Variants in GABRG3 observed in about 807,000 individuals in gnomAD.
GABRG3 encodes gamma-aminobutyric acid type A receptor subunit gamma3.
In GABRG3, 25 loss-of-function variants were observed where a neutral mutation model predicts 48.8. The observed-to-expected ratio is 0.51, with a 90% CI of 0.37 to 0.72. The LOEUF is 0.72. Among genes scored for constraint, GABRG3 ranks in the 30% least tolerant of loss-of-function variants. The probability of loss-of-function intolerance (pLI) is 0.00; values close to 1 mark genes in which losing one functional copy is unlikely to be tolerated. For synonymous variants in GABRG3, 227 were observed against 217.6 expected, an observed-to-expected ratio of 1.04 and a Z score of -0.38; for missense variants, 394 against 577.9, an observed-to-expected ratio of 0.68 and a Z score of 3.26.
In GABRG3 at chr15:27,179,897, T is replaced by C. The variant is rs1887870961; in HGVS notation, c.271-146912T>C. ...TAAAATAAGCTGAATGTTTGTGCCC[T>C]GTTACCAGATTGTTCTCTTGATTCA... is the stretch of plus-strand genomic sequence containing the variant. On this transcript the variant is annotated intron_variant, in intron 3 of 9. Coordinates refer to ENST00000615808, the MANE Select transcript of GABRG3 (RefSeq NM_033223.5). This position sits in a 1 kb window ranked among gnomAD's most constrained non-coding sequence, Gnocchi z 4.0. Among the ~76,000 whole-genome samples the C allele has an allele frequency of 6.6e-6, 1 of 152,144 alleles. No homozygotes were observed. Among genetic ancestry groups the C allele is most frequent in the South Asian group, 2.1e-4 (1 of 4,764 alleles).
At chr15:27,089,200 G>C (rs1184213503) in intron 3 of GABRG3, among the ~76,000 whole-genome samples, 1 of 152,182 alleles carries the variant, frequency 6.6e-6, no homozygotes, top group African/African-American at 2.4e-5. Context: ...AGGAGGAGCC[G>C]CAGGGAAGGC....
chr15:27,422,665 A>G (rs1888160710), intron 5 of GABRG3, among the ~76,000 whole-genome samples: 1 of 152,154 alleles, frequency 6.6e-6, no homozygotes, highest in Non-Finnish European at 1.5e-5. Flanking sequence ...ACTTTCCCCC[A>G]CTGGGTTTCT....
intron 3 of GABRG3, among the ~76,000 whole-genome samples, chr15:27,307,409 T>G (rs531043763): frequency 2.8e-5 from 2 of 71,740 alleles, no homozygotes; most frequent in Admixed American, 1.5e-4. Flanking sequence ...GTTTATATAT[T>G]TATATATAAA....
chr15:27,523,484 T>C (rs1891204711), intron 7 of GABRG3, among the ~76,000 whole-genome samples: 1 of 151,732 alleles, frequency 6.6e-6, no homozygotes. Flanking sequence ...ACCAGAAATG[T>C]CCAGGATACA....
In GABRG3 at chr15:27,246,102, G is replaced by A. The variant is rs557813237; in HGVS notation, c.271-80707G>A. Among the ~76,000 whole-genome samples the A allele has an allele frequency of 1.2e-4, 18 of 152,116 alleles. No individual in the cohort carries two copies. In the East Asian group the frequency reaches 3.5e-3, roughly 30 times the overall value. Reference sequence around the variant, plus strand: ...GGCACTCATGAGGGATCTGCCCCACGACCCAAACACCTCCCGCCAGGCCTC... The same window carrying A: ...GGCACTCATGAGGGATCTGCCCCACAACCCAAACACCTCCCGCCAGGCCTC... On this transcript the variant is annotated intron_variant, in intron 3 of 9. Coordinates refer to ENST00000615808, the MANE Select transcript of GABRG3 (RefSeq NM_033223.5).
At chr15:27,318,765 C>T (rs1225987568) in intron 3 of GABRG3, among the ~76,000 whole-genome samples, 1 of 152,180 alleles carries the variant, frequency 6.6e-6, no homozygotes, top group Non-Finnish European at 1.5e-5. Flanking sequence ...GGGCAGAGCT[C>T]CGCCTTCTGC....
chr15:27,475,510 T>C (rs1444649309), intron 5 of GABRG3, among the ~76,000 whole-genome samples: 2 of 151,814 alleles, frequency 1.3e-5, no homozygotes, highest in East Asian at 3.9e-4. Flanking sequence ...GATGATATTG[T>C]TGATGATGAT....
At chr15:27,146,591 T>C (rs535830535) in intron 3 of GABRG3, among the ~76,000 whole-genome samples, 2 of 152,306 alleles carry the variant, frequency 1.3e-5, no homozygotes, top group East Asian at 3.9e-4. Context: ...GCAACAATTA[T>C]ATTCTCTGTT....
At chr15:26,985,195 C>T (rs1175700643) in intron 2 of GABRG3, among the ~76,000 whole-genome samples, 5 of 152,210 alleles carry the variant, frequency 3.3e-5, no homozygotes, top group Admixed American at 3.3e-4. Context: ...CCCACACACC[C>T]CACCTGGGCA....
intron 3 of GABRG3, among the ~76,000 whole-genome samples, chr15:27,320,084 A>G (rs928338769): frequency 6.6e-5 from 10 of 152,148 alleles, no homozygotes; most frequent in Non-Finnish European, 1.0e-4. Flanking sequence ...CAAACTTACC[A>G]TAGAGCCTGT....
intron 3 of GABRG3, among the ~76,000 whole-genome samples, chr15:27,140,380 T>A (rs1307208195): frequency 6.6e-6 from 1 of 152,204 alleles, no homozygotes; most frequent in Non-Finnish European, 1.5e-5. Flanking sequence ...GAGAAATCCC[T>A]ACACGTTTGG....
intron 5 of GABRG3, among the ~76,000 whole-genome samples, chr15:27,378,364 G>A (rs74006916): frequency 0.025 from 3,780 of 152,258 alleles, 156 homozygotes; most frequent in African/African-American, 0.088. Context: ...CAGATATGGA[G>A]TGGCTGGGCC....
Position 27,451,745 on chromosome 15 carries a change from A to G in GABRG3, c.575-28905A>G, listed in dbSNP as rs1889119160. Among the ~76,000 whole-genome samples the G allele has an allele frequency of 2.0e-5, 3 of 152,194 alleles. No homozygotes were observed. In the South Asian group the frequency reaches 6.2e-4, roughly 32 times the overall value. On this transcript the variant is annotated intron_variant, in intron 5 of 9. Coordinates refer to ENST00000615808, the MANE Select transcript of GABRG3 (RefSeq NM_033223.5). The stretch of plus-strand genomic sequence containing the variant: ...AAGGAAACAATCAACAAAGTCAAAG[A>G]AAATCTATGGATTGGGGGAAAATAT...
chr15:27,198,142 G>T (rs981144214), intron 3 of GABRG3, among the ~76,000 whole-genome samples: 2 of 152,142 alleles, frequency 1.3e-5, no homozygotes, highest in African/African-American at 4.8e-5. Flanking sequence ...AGCCAAAATT[G>T]ACAAATGGGA....
intron 3 of GABRG3, among the ~76,000 whole-genome samples, chr15:27,254,882 G>C (rs1422786745): frequency 1.1e-5 from 1 of 90,176 alleles, no homozygotes. Flanking sequence ...GAGAGAGAGA[G>C]ACAGACACAG....
chr15:27,063,003 C>G (rs561043938), intron 3 of GABRG3, among the ~76,000 whole-genome samples: 2 of 152,178 alleles, frequency 1.3e-5, no homozygotes, highest in Non-Finnish European at 2.9e-5. Context: ...GGTTCAATGT[C>G]GTGAGACGGC....
chr15:27,416,763 A>G (rs1001011883), intron 5 of GABRG3, among the ~76,000 whole-genome samples: 2 of 152,220 alleles, frequency 1.3e-5, no homozygotes, highest in East Asian at 1.9e-4. Context: ...GGTTCTTCCT[A>G]TGTGCCGATC....
At chr15:27,080,182 G>T (rs1335189784) in intron 3 of GABRG3, among the ~76,000 whole-genome samples, 1 of 152,152 alleles carries the variant, frequency 6.6e-6, no homozygotes, top group African/African-American at 2.4e-5. Flanking sequence ...CAGGCATGGT[G>T]GCATGCACCT....
At chr15:27,391,929 C>G (rs1474125585) in intron 5 of GABRG3, among the ~76,000 whole-genome samples, 1 of 152,208 alleles carries the variant, frequency 6.6e-6, no homozygotes, top group Non-Finnish European at 1.5e-5. Context: ...CACACACATA[C>G]TAGCAGCTTG....
Sources: allele counts gnomAD v4.1 joint callset (sites outside exome capture counted in the v4.1 genomes callset), GRCh38; gene constraint gnomAD v4.1.1; non-coding constraint Gnocchi (gnomAD v3.1); transcripts MANE v1.5; gene names NCBI Gene and HGNC (gene_info 2026-07-23, HGNC 2026-07-21).